CCSER1: variants seen among roughly 807,000 people sequenced by gnomAD.
CCSER1 encodes the protein coiled-coil serine rich protein 1.
CCSER1 carries 41 observed loss-of-function variants against 82.0 expected under a neutral mutation model. That is an observed-to-expected ratio of 0.50 (90% CI 0.39 to 0.65). The LOEUF is 0.65. Ranked by LOEUF, CCSER1 falls within the 30% of genes least tolerant of loss-of-function variation. The probability of loss-of-function intolerance (pLI) is 0.00; values close to 1 mark genes in which losing one functional copy is unlikely to be tolerated. For synonymous variants in CCSER1, 414 were observed against 383.9 expected (o/e 1.08, Z -0.92); for missense variants, 1,119 against 1,064.2 (o/e 1.05, Z -0.72).
At chr4:90,368,571 G>A (rs1324417410) in intron 3 of CCSER1, among the ~76,000 whole-genome samples, 1 of 151,884 alleles carries the variant, frequency 6.6e-6, no homozygotes, top group Non-Finnish European at 1.5e-5. Flanking sequence ...GTTTGAGGCT[G>A]AAGTGAGCCA....
intron 1 of CCSER1, among the ~76,000 whole-genome samples, chr4:90,237,096 G>A (rs1189470529): frequency 6.6e-6 from 1 of 152,110 alleles, no homozygotes; most frequent in African/African-American, 2.4e-5. Context: ...AAATAAAGAT[G>A]AGAAAGCAGT....
At chr4:91,531,420 T>G (rs903021976) in intron 10 of CCSER1, among the ~76,000 whole-genome samples, 10 of 152,204 alleles carry the variant, frequency 6.6e-5, no homozygotes, top group Non-Finnish European at 4.4e-5. Context: ...GTTCTTAATT[T>G]TATTTGTCTT....
At chr4:91,376,834 T>C (rs537008281) in intron 10 of CCSER1, among the ~76,000 whole-genome samples, 405 of 152,262 alleles carry the variant, frequency 2.7e-3, no homozygotes, top group Non-Finnish European at 4.5e-3. Context: ...TGTATACATG[T>C]GCCATGTTGG....
chr4:90,436,384 C>T (rs1758993990), intron 4 of CCSER1, among the ~76,000 whole-genome samples: 1 of 152,056 alleles, frequency 6.6e-6, no homozygotes, highest in Admixed American at 6.6e-5. Context: ...AAACTAAGTT[C>T]AACTCAAAAT....
chr4:91,123,627 G>A (rs1427297069), intron 10 of CCSER1, among the ~76,000 whole-genome samples: 1 of 151,706 alleles, frequency 6.6e-6, no homozygotes, highest in Admixed American at 6.6e-5. Flanking sequence ...ACCTCTCAGT[G>A]ATGGTGGTTT....
intron 10 of CCSER1, among the ~76,000 whole-genome samples, chr4:91,196,178 C>CAAAAAAAAAAAAAAAAAAA (rs61336014): frequency 1.6e-5 from 1 of 60,822 alleles, no homozygotes; most frequent in Non-Finnish European, 4.3e-5. Context: ...AACAGCGAGA[C>CAAAAAAAAAAAAAAAAAAA]AAAAAAAAAA....
chr4:91,192,512 G>A lies in CCSER1; in HGVS notation c.2217+106518G>A, dbSNP rs533348771. Among the ~76,000 whole-genome samples the A allele has an allele frequency of 5.3e-5, 8 of 152,170 alleles. 1 individual carries two copies. The South Asian group carries it at 1.7e-3, about 32-fold the overall frequency. On this transcript the variant is annotated intron_variant, in intron 10 of 10. Transcript: ENST00000509176. ...AATTATCTATTTTACTTGATGTTATGTTCTCATTTACTGAGAGTTGTCAAA... is the reference window on the plus strand; with the variant it reads ...AATTATCTATTTTACTTGATGTTATATTCTCATTTACTGAGAGTTGTCAAA...
intron 10 of CCSER1, among the ~76,000 whole-genome samples, chr4:91,504,303 C>T (rs982187958): frequency 1.2e-4 from 19 of 152,046 alleles, no homozygotes; most frequent in African/African-American, 4.3e-4. Context: ...GTGGAAGCAC[C>T]AGGTACTAAT....
intron 5 of CCSER1, among the ~76,000 whole-genome samples, chr4:90,519,730 T>C (rs1024271905): frequency 6.6e-6 from 1 of 152,064 alleles, no homozygotes; most frequent in Non-Finnish European, 1.5e-5. Context: ...GATGGCACTT[T>C]TATTAAATTC....
At chr4:91,178,596 A>C (rs923669872) in intron 10 of CCSER1, among the ~76,000 whole-genome samples, 1 of 152,130 alleles carries the variant, frequency 6.6e-6, no homozygotes, top group African/African-American at 2.4e-5. Flanking sequence ...TTGTTGGTTT[A>C]AAGTCTGTTG....
intron 4 of CCSER1, among the ~76,000 whole-genome samples, chr4:90,436,719 T>C (rs1409576988): frequency 6.6e-6 from 1 of 152,168 alleles, no homozygotes; most frequent in Non-Finnish European, 1.5e-5. Flanking sequence ...TAAGAGTATA[T>C]GACATATAAT....
intron 10 of CCSER1, among the ~76,000 whole-genome samples, chr4:91,583,668 C>T (rs1020686770): frequency 1.3e-5 from 2 of 151,422 alleles, no homozygotes; most frequent in Non-Finnish European, 3.0e-5. Context: ...TTCATGATGT[C>T]TTGCCTTCTT....
intron 5 of CCSER1, among the ~76,000 whole-genome samples, chr4:90,601,144 G>A (rs1783984354): frequency 1.3e-5 from 2 of 151,766 alleles, no homozygotes; most frequent in African/African-American, 2.4e-5. Flanking sequence ...TTATTTTTAT[G>A]TTTTATTCTT....
chr4:91,277,883 A>G (rs1742607986), intron 10 of CCSER1, among the ~76,000 whole-genome samples: 1 of 151,748 alleles, frequency 6.6e-6, no homozygotes, highest in Admixed American at 6.6e-5. Flanking sequence ...GTTGTGTCTC[A>G]ATTTTCATCT....
At chr4:90,460,462 C>T (rs1490591801) in intron 4 of CCSER1, among the ~76,000 whole-genome samples, 4 of 151,608 alleles carry the variant, frequency 2.6e-5, no homozygotes, top group Admixed American at 6.6e-5. Flanking sequence ...TGGCACACAG[C>T]GACAAAGTTA....
chr4:90,389,661 A>G (rs1256784013), intron 3 of CCSER1, among the ~76,000 whole-genome samples: 4 of 152,180 alleles, frequency 2.6e-5, no homozygotes, highest in African/African-American at 9.7e-5. Context: ...AGAGTGAGAT[A>G]GTTATATTTC....
rs79387455 is a variant in CCSER1, at chr4:90,321,394, C to T, written c.1509+8347C>T. 3.6e-3 allele frequency among the ~76,000 whole-genome samples: 550 copies of T among 152,202 alleles called. 5 individuals are homozygous for T. Among genetic ancestry groups the T allele is most frequent in the Middle Eastern group, 0.014 (4 of 294 alleles). ...CATGTTGTTGCAATTGACAGGATCT[C>T]ATCTGATTTTTATGGCTGAATAATA... is the stretch of plus-strand genomic sequence containing the variant. On this transcript the variant is annotated intron_variant, in intron 3 of 10. Coordinates refer to ENST00000509176, the MANE Select transcript of CCSER1 (RefSeq NM_001145065.2).
chr4:90,906,385 G>A (rs534292766), intron 8 of CCSER1, among the ~76,000 whole-genome samples: 9 of 152,168 alleles, frequency 5.9e-5, no homozygotes, highest in African/African-American at 2.2e-4. Flanking sequence ...TCGTCAACCT[G>A]TAATACCATG....
chr4:91,175,928 G>A (rs1016484900), intron 10 of CCSER1, among the ~76,000 whole-genome samples: 3 of 152,146 alleles, frequency 2.0e-5, no homozygotes, highest in Non-Finnish European at 4.4e-5. Flanking sequence ...TTATTGCCTA[G>A]GTTTTACTTC....
Sources: allele counts gnomAD v4.1 joint callset (sites outside exome capture counted in the v4.1 genomes callset), GRCh38; gene constraint gnomAD v4.1.1; transcripts MANE v1.5; gene names NCBI Gene and HGNC (gene_info 2026-07-23, HGNC 2026-07-21).